Variants in PCDHGA1 observed in about 807,000 individuals in gnomAD.
PCDHGA1 encodes protocadherin gamma subfamily A, 1, also known as protocadherin gamma-A1.
In PCDHGA1, 32 loss-of-function variants were observed where a neutral mutation model predicts 58.0. That is an observed-to-expected ratio of 0.55 (90% CI 0.42 to 0.74). The LOEUF (loss-of-function observed/expected upper bound fraction) is 0.74. Among genes scored for constraint, PCDHGA1 ranks in the 30% least tolerant of loss-of-function variants. The pLI is 0.00. For synonymous variants in PCDHGA1, 498 were observed against 501.1 expected (o/e 0.99, Z 0.08); for missense variants, 1,205 against 1,182.3 (o/e 1.02, Z -0.28).
chr5:141,417,969 T>G, intron 1 of PCDHGA1: 1 of 1,613,768 alleles, frequency 6.2e-7, no homozygotes, highest in Non-Finnish European at 8.5e-7. Flanking sequence ...CGCTACTCGA[T>G]TCCGGAGGAG....
intron 1 of PCDHGA1, chr5:141,378,655 G>A (rs963845635): frequency 2.6e-5 from 4 of 152,084 alleles, no homozygotes; most frequent in Admixed American, 6.5e-5. Context: ...ATGTTAATGA[G>A]GTTCAAATAA....
chr5:141,455,109 G>A (rs2098813382), intron 1 of PCDHGA1, among the ~76,000 whole-genome samples: 1 of 151,932 alleles, frequency 6.6e-6, no homozygotes, highest in South Asian at 2.1e-4. Context: ...ACTGCGCCCG[G>A]TGGGTCTAAT....
chr5:141,360,853 C>T (rs1463247472), intron 1 of PCDHGA1: 9 of 1,613,874 alleles, frequency 5.6e-6, no homozygotes, highest in African/African-American at 1.3e-5. Flanking sequence ...CGATAACCCT[C>T]CAGTGTTCAG....
intron 1 of PCDHGA1, chr5:141,377,664 C>T (rs1042522537): frequency 6.6e-6 from 1 of 151,600 alleles, no homozygotes; most frequent in South Asian, 2.1e-4. Context: ...AAACGACAGA[C>T]GTTCATACAA....
At chr5:141,424,945 C>A (rs2096849463) in intron 1 of PCDHGA1, among the ~76,000 whole-genome samples, 1 of 152,186 alleles carries the variant, frequency 6.6e-6, no homozygotes, top group Admixed American at 6.5e-5. Flanking sequence ...TCTCACATCA[C>A]TTCTAGGTAT....
intron 2 of PCDHGA1, among the ~76,000 whole-genome samples, chr5:141,504,422 T>G (rs1375202110): frequency 6.6e-6 from 1 of 152,078 alleles, no homozygotes; most frequent in Admixed American, 6.6e-5. Context: ...AGACAGGCAC[T>G]ACAACAGCTG....
chr5:141,371,142 A>G, intron 1 of PCDHGA1: 1 of 1,614,010 alleles, frequency 6.2e-7, no homozygotes, highest in Non-Finnish European at 8.5e-7. Flanking sequence ...GTACAGGGTC[A>G]ATGTTGCAGA....
rs193229261 is a variant in PCDHGA1, at chr5:141,446,714, G to A, written c.2422-48093G>A. ...GCTGGTCTCGAACTCTGATCTGCCCGCCTCGGCCTCCCAAAGTGTGGGGAT... is the reference window on the plus strand; with the variant it reads ...GCTGGTCTCGAACTCTGATCTGCCCACCTCGGCCTCCCAAAGTGTGGGGAT... On this transcript the variant is annotated intron_variant, in intron 1 of 3. Transcript: ENST00000517417. Among the ~76,000 whole-genome samples the A allele has an allele frequency of 3.3e-3, 497 of 152,154 alleles. 2 individuals are homozygous for A. Among genetic ancestry groups the A allele is most frequent in the African/African-American group, 0.011 (450 of 41,528 alleles).
intron 1 of PCDHGA1, among the ~76,000 whole-genome samples, chr5:141,456,902 G>A (rs886945444): frequency 6.6e-6 from 1 of 152,294 alleles, no homozygotes; most frequent in South Asian, 2.1e-4. Flanking sequence ...GGCAGAGGTT[G>A]CAGTGAGCCG....
At chr5:141,453,475 A>C (rs2098766452) in intron 1 of PCDHGA1, among the ~76,000 whole-genome samples, 1 of 151,996 alleles carries the variant, frequency 6.6e-6, no homozygotes, top group Non-Finnish European at 1.5e-5. Context: ...ATAAAGTCAA[A>C]ACTATTAAAA....
chr5:141,341,065 C>T lies in PCDHGA1; in HGVS notation c.2421+7960C>T, dbSNP rs758489018. 3 of 1,614,074 alleles carry T rather than the reference C, an allele frequency of 1.9e-6. No homozygotes were observed. In the African/African-American group the frequency reaches 4.0e-5, roughly 22 times the overall value. On this transcript the variant is annotated intron_variant, in intron 1 of 3. Transcript: ENST00000517417. Reference sequence around the variant, plus strand: ...CTCTGTACCTGGTGGTGGCGGTGGCCGCGGTCTCCTGCGTCTTCCTGGCCT... The same window carrying T: ...CTCTGTACCTGGTGGTGGCGGTGGCTGCGGTCTCCTGCGTCTTCCTGGCCT...
chr5:141,410,447 C>A, intron 1 of PCDHGA1: 1 of 1,613,984 alleles, frequency 6.2e-7, no homozygotes, highest in Non-Finnish European at 8.5e-7. Context: ...GGGGACTTTG[C>A]CTTATTCTTA....
At chr5:141,472,980 C>CAAAAAAAAAAAAAAAAAAA (rs60579131) in intron 1 of PCDHGA1, among the ~76,000 whole-genome samples, 6 of 86,104 alleles carry the variant, frequency 7.0e-5, no homozygotes, top group African/African-American at 1.2e-4. Context: ...GAGTGAAACT[C>CAAAAAAAAAAAAAAAAAAA]AAAAAAAAAA....
chr5:141,360,352 G>T (rs1361866062), intron 1 of PCDHGA1: 1 of 1,613,894 alleles, frequency 6.2e-7, no homozygotes, highest in Admixed American at 1.7e-5. Context: ...CGCGGAGAAG[G>T]AATATTTCAC....
At chr5:141,355,093 G>C in intron 1 of PCDHGA1, 1 of 1,483,692 alleles carries the variant, frequency 6.7e-7, no homozygotes. Flanking sequence ...GAAGCCCTGA[G>C]AGCTCTGGCT....
At position 141,330,522 on chromosome 5, in the gene PCDHGA1, AT is replaced by A; in HGVS notation, c.-162del. 1 of 694,310 alleles carries A rather than the reference AT, an allele frequency of 1.4e-6. No homozygotes were observed. The highest frequency in any genetic ancestry group is 2.3e-6 in the Non-Finnish European group (1 of 435,036). The allele number at this position is 694,310 out of a possible 1,614,324, so 43.0% of individuals were successfully genotyped here. A position where few individuals can be genotyped will look rare whatever the true frequency, so the allele number is the denominator to read the frequency against. ...AGCTCTCGTGCCTCTTAGAACCTCC[AT>A]AACCGCCAGATTGAAAACTGACTGT... On this transcript the variant is annotated 5_prime_UTR_variant, in exon 1 of 4. Transcript: ENST00000517417.
At chr5:141,425,842 T>G (rs2096897830) in intron 1 of PCDHGA1, among the ~76,000 whole-genome samples, 1 of 152,230 alleles carries the variant, frequency 6.6e-6, no homozygotes, top group Non-Finnish European at 1.5e-5. Context: ...TTCTCTTTGC[T>G]GGGTTAATGA....
intron 1 of PCDHGA1, chr5:141,409,483 G>C: frequency 6.2e-7 from 1 of 1,613,944 alleles, no homozygotes; most frequent in Non-Finnish European, 8.5e-7. Context: ...CCACTGACAG[G>C]GGCAAGCCGC....
chr5:141,339,979 G>T (rs758389065), intron 1 of PCDHGA1: 1 of 1,614,004 alleles, frequency 6.2e-7, no homozygotes, highest in Non-Finnish European at 8.5e-7. Context: ...TTATCGTCAC[G>T]GTTCTGGATG....
Sources: allele counts gnomAD v4.1 joint callset (sites outside exome capture counted in the v4.1 genomes callset), GRCh38; gene constraint gnomAD v4.1.1; transcripts MANE v1.5; gene names NCBI Gene and HGNC (gene_info 2026-07-23, HGNC 2026-07-21).